PTPRN2: variants seen among roughly 807,000 people sequenced by gnomAD.
PTPRN2 encodes receptor-type tyrosine-protein phosphatase N2.
A neutral mutation model predicts 118.8 loss-of-function variants in PTPRN2; 74 were observed. The observed-to-expected ratio is 0.62, with a 90% confidence interval of 0.52 to 0.76. The LOEUF is 0.76. PTPRN2 is among the 30% of genes least tolerant of loss of function. PTPRN2 has a pLI of 0.00. For synonymous variants in PTPRN2, 641 were observed against 608.0 expected (o/e 1.05, Z -0.80); for missense variants, 1,481 against 1,394.4 (o/e 1.06, Z -0.99).
In PTPRN2 at chr7:157,696,850, CCG is replaced by C. The variant is rs1321103634; in HGVS notation, c.1789-13915_1789-13914del. 4.6e-4 allele frequency among the ~76,000 whole-genome samples: 51 copies of C among 110,730 alleles called. 3 individuals are homozygous for C. The highest frequency in any genetic ancestry group is 1.7e-3 in the African/African-American group (47 of 27,756). The allele number at this position is 110,730 out of a possible 152,430, so 72.6% of individuals were successfully genotyped here. A position where few individuals can be genotyped will look rare whatever the true frequency, so the allele number is the denominator to read the frequency against. On this transcript the variant is annotated intron_variant, in intron 12 of 22. Transcript: ENST00000389418. The stretch of plus-strand genomic sequence containing the variant: ...ATACTGGGTCTTGGCAGAGCCCTCA[CCG>C]TCTACACATGCATACTGGGTCTTGG...
intron 11 of PTPRN2, among the ~76,000 whole-genome samples, chr7:158,042,285 A>G (rs985552497): frequency 2.0e-5 from 3 of 152,178 alleles, no homozygotes; most frequent in Non-Finnish European, 4.4e-5. Flanking sequence ...CGACTGCCCC[A>G]TCGTGCTTGA....
At chr7:158,569,246 G>A (rs1335976361) in intron 1 of PTPRN2, among the ~76,000 whole-genome samples, 3 of 152,246 alleles carry the variant, frequency 2.0e-5, no homozygotes, top group African/African-American at 4.8e-5. Context: ...GGCGCTGGCC[G>A]TGCCCTGGAG....
intron 2 of PTPRN2, among the ~76,000 whole-genome samples, chr7:158,389,696 G>A (rs896763): frequency 0.41 from 62,865 of 152,202 alleles, 13,960 homozygotes; most frequent in Non-Finnish European, 0.51. Flanking sequence ...CAGGCCCTGC[G>A]AGAACACGGA....
chr7:157,982,741 G>A (rs1378086843), intron 11 of PTPRN2, among the ~76,000 whole-genome samples: 2 of 120,742 alleles, frequency 1.7e-5, no homozygotes. Context: ...TCACAGAGAC[G>A]AGGAGGGGAA....
At chr7:158,097,251 G>A (rs1174755697) in intron 10 of PTPRN2, among the ~76,000 whole-genome samples, 1 of 152,080 alleles carries the variant, frequency 6.6e-6, no homozygotes, top group African/African-American at 2.4e-5. Flanking sequence ...GAAGGAGGTG[G>A]AGGGGCCCGG....
At chr7:157,998,068 G>A (rs1269543821) in intron 11 of PTPRN2, among the ~76,000 whole-genome samples, 68 of 89,602 alleles carry the variant, frequency 7.6e-4, no homozygotes, top group African/African-American at 2.8e-3. Flanking sequence ...AGTGCAGGGT[G>A]GGGGGAGAGG....
At chr7:158,422,909 C>A (rs1034380989) in intron 2 of PTPRN2, among the ~76,000 whole-genome samples, 3 of 152,202 alleles carry the variant, frequency 2.0e-5, no homozygotes, top group African/African-American at 7.2e-5. Context: ...TCAGTAGAGA[C>A]AAAGAAAGGC....
intron 14 of PTPRN2, among the ~76,000 whole-genome samples, chr7:157,642,471 G>C (rs1804730402): frequency 1.3e-5 from 2 of 152,230 alleles, no homozygotes; most frequent in African/African-American, 4.8e-5. Context: ...AGATGCAGGA[G>C]TCACTGGACA....
At chr7:157,543,687 A>G (rs1798121489) in intron 22 of PTPRN2, among the ~76,000 whole-genome samples, 1 of 152,214 alleles carries the variant, frequency 6.6e-6, no homozygotes, top group Non-Finnish European at 1.5e-5. Context: ...TACAAATAGG[A>G]ACCTTAAAGA....
intron 12 of PTPRN2, among the ~76,000 whole-genome samples, chr7:157,708,743 A>G (rs929549782): frequency 1.3e-5 from 2 of 152,190 alleles, no homozygotes; most frequent in Admixed American, 1.3e-4. Context: ...TGTGTGATTG[A>G]TAATGCTCTC....
intron 21 of PTPRN2, among the ~76,000 whole-genome samples, chr7:157,552,486 A>C (rs1285747525): frequency 6.6e-6 from 1 of 152,032 alleles, no homozygotes; most frequent in African/African-American, 2.4e-5. Context: ...GACCTGGACC[A>C]CGTGGGGAGG....
intron 2 of PTPRN2, among the ~76,000 whole-genome samples, chr7:158,362,510 T>C (rs1809071072): frequency 6.6e-6 from 1 of 152,258 alleles, no homozygotes; most frequent in Non-Finnish European, 1.5e-5. Flanking sequence ...CTCAGGTTGC[T>C]GGTGAATGAC....
intron 1 of PTPRN2, among the ~76,000 whole-genome samples, chr7:158,584,403 C>T (rs906626832): frequency 6.6e-6 from 1 of 152,094 alleles, no homozygotes. Flanking sequence ...GAAAGGCGGG[C>T]CGGTCGGGAG....
chr7:158,031,931 A>G (rs951588316), intron 11 of PTPRN2, among the ~76,000 whole-genome samples: 1 of 152,248 alleles, frequency 6.6e-6, no homozygotes, highest in African/African-American at 2.4e-5. Flanking sequence ...GGGGCCCGCG[A>G]GCCTCTGAAG....
rs1390408944 is a variant in PTPRN2, at chr7:158,453,629, G to C, written c.163+36106C>G. 2.6e-5 allele frequency among the ~76,000 whole-genome samples: 4 copies of C among 152,324 alleles called. No homozygotes were observed. In the East Asian group the frequency reaches 7.7e-4, roughly 29 times the overall value. On this transcript the variant is annotated intron_variant, in intron 2 of 22. Transcript: ENST00000389418. ...CCCCTGGGTGAGCTCAGGAAAGAGG[G>C]GCAGGATCTGTTGCTTCTTATTTTA...
At chr7:158,246,430 C>A (rs1160057606) in intron 3 of PTPRN2, among the ~76,000 whole-genome samples, 2 of 151,052 alleles carry the variant, frequency 1.3e-5, no homozygotes, top group Non-Finnish European at 2.9e-5. Flanking sequence ...CTCTCACTGC[C>A]CCCAGCTCTA....
At chr7:158,002,392 G>C (rs749040) in intron 11 of PTPRN2, among the ~76,000 whole-genome samples, 60,115 of 152,072 alleles carry the variant, frequency 0.4, 14,007 homozygotes, top group East Asian at 0.81. Context: ...AAAGCTTCCA[G>C]TTTCACGGTG....
In PTPRN2 at chr7:158,418,758, A is replaced by G. The variant is rs151041499; in HGVS notation, c.163+70977T>C. On this transcript the variant is annotated intron_variant, in intron 2 of 22. Coordinates refer to ENST00000389418, the MANE Select transcript of PTPRN2 (RefSeq NM_002847.5). The stretch of plus-strand genomic sequence containing the variant: ...ACGGTGTACTACATCAAGATGCTGT[A>G]GCTCTCAGTGTCCCACTGTGTTAAG... Among the ~76,000 whole-genome samples, 677 of 152,150 alleles carry G rather than the reference A, an allele frequency of 4.4e-3. 7 individuals are homozygous for G. The highest frequency in any genetic ancestry group is 0.014 in the African/African-American group (601 of 41,506).
chr7:158,209,620 T>A lies in PTPRN2; in HGVS notation c.278-4347A>T, dbSNP rs77172137. On this transcript the variant is annotated intron_variant, in intron 3 of 22. Transcript: ENST00000389418. ...CAGCTGAAGACTTCCACATGCCACT[T>A]TCAGCACTGGACAGATCATTGAGAC... 0.01 allele frequency among the ~76,000 whole-genome samples: 1,587 copies of A among 152,310 alleles called. 85 individuals are homozygous for A. In the East Asian group the frequency reaches 0.17, roughly 16 times the overall value.
Sources: allele counts gnomAD v4.1 joint callset (sites outside exome capture counted in the v4.1 genomes callset), GRCh38; gene constraint gnomAD v4.1.1; transcripts MANE v1.5; gene names NCBI Gene and HGNC (gene_info 2026-07-23, HGNC 2026-07-21).